Variants in CNTN5 observed in about 807,000 individuals in gnomAD.
CNTN5 encodes contactin 5.
Under a neutral mutation model 129.1 loss-of-function variants are expected in CNTN5, and 77 were observed. That is an observed-to-expected ratio of 0.60 (90% CI 0.50 to 0.72). The LOEUF (loss-of-function observed/expected upper bound fraction) is 0.72, where lower values mean the gene tolerates loss of function less well. CNTN5 is among the 30% of genes least tolerant of loss of function. CNTN5 has a pLI of 0.00. For missense variants in CNTN5, 1,478 were observed against 1,328.8 expected (o/e 1.11, Z -1.75); for synonymous variants, 509 against 465.6 (o/e 1.09, Z -1.20).
intron 18 of CNTN5, among the ~76,000 whole-genome samples, chr11:100,290,997 A>T (rs1283154164): frequency 2.6e-5 from 4 of 151,260 alleles, no homozygotes; most frequent in Admixed American, 6.6e-5. Flanking sequence ...GCCAAAAAAC[A>T]CATGAAAAAA....
chr11:99,701,259 G>A (rs1365298029), intron 3 of CNTN5, among the ~76,000 whole-genome samples: 1 of 151,200 alleles, frequency 6.6e-6, no homozygotes, highest in Admixed American at 6.6e-5. Flanking sequence ...AGAGTAAAGT[G>A]TAAAGTGGAA....
At chr11:100,078,992 G>T (rs1399177941) in intron 13 of CNTN5, among the ~76,000 whole-genome samples, 2 of 152,116 alleles carry the variant, frequency 1.3e-5, no homozygotes, top group Non-Finnish European at 2.9e-5. Context: ...CAAAGCAGGT[G>T]CAAGGAACCT....
At chr11:99,569,352 C>T (rs760483429) in intron 3 of CNTN5, among the ~76,000 whole-genome samples, 35 of 152,114 alleles carry the variant, frequency 2.3e-4, no homozygotes, top group Middle Eastern at 3.4e-3. Flanking sequence ...CTCGCTCTGG[C>T]GCCCAGGCTG....
intron 6 of CNTN5, among the ~76,000 whole-genome samples, chr11:99,845,890 T>C (rs1947677815): frequency 6.6e-6 from 1 of 152,168 alleles, no homozygotes; most frequent in Non-Finnish European, 1.5e-5. Flanking sequence ...TCCAAATTTC[T>C]TTTGAAATCG....
chr11:100,225,019 TTCAGAGTCCAA>T (rs2138630101), intron 16 of CNTN5: 1 of 408,108 alleles, frequency 2.5e-6, no homozygotes, highest in Non-Finnish European at 4.5e-6. Flanking sequence ...CCAAACTAAC[TTCAGAGTCCAA>T]AACACCTTTA....
chr11:99,342,591 A>C (rs1207447551), intron 2 of CNTN5, among the ~76,000 whole-genome samples: 24 of 146,002 alleles, frequency 1.6e-4, no homozygotes, highest in Admixed American at 6.9e-5. Context: ...AAAAAAAAAA[A>C]AAAAAAAAAA....
chr11:99,248,056 G>A (rs1861908847), intron 1 of CNTN5, among the ~76,000 whole-genome samples: 1 of 152,192 alleles, frequency 6.6e-6, no homozygotes, highest in Non-Finnish European at 1.5e-5. Context: ...CACAGTAGCT[G>A]AACTAATTCA....
chr11:99,175,519 A>G (rs1857729611), intron 1 of CNTN5, among the ~76,000 whole-genome samples: 1 of 152,154 alleles, frequency 6.6e-6, no homozygotes, highest in Admixed American at 6.5e-5. Context: ...TTGATTAAAA[A>G]TGGAATCCTA....
chr11:99,972,294 A>T (rs7110076), intron 8 of CNTN5, among the ~76,000 whole-genome samples: 1 of 151,696 alleles, frequency 6.6e-6, no homozygotes. Flanking sequence ...AAAAATAAAA[A>T]AATGTAAAAA....
chr11:100,154,228 G>T (rs1947160409), intron 13 of CNTN5, among the ~76,000 whole-genome samples: 2 of 152,068 alleles, frequency 1.3e-5, no homozygotes, highest in Admixed American at 6.6e-5. Flanking sequence ...GTGTTTGTTT[G>T]CTGAGAATGA....
At chr11:99,142,467 CTGGTGT>C (rs1859569924) in intron 1 of CNTN5, among the ~76,000 whole-genome samples, 1 of 152,062 alleles carries the variant, frequency 6.6e-6, no homozygotes, top group African/African-American at 2.4e-5. Context: ...GAGGGGTCTG[CTGGTGT>C]AGGAGCTATG....
intron 9 of CNTN5, among the ~76,000 whole-genome samples, chr11:100,027,495 T>A (rs1941484859): frequency 6.6e-6 from 1 of 152,216 alleles, no homozygotes; most frequent in African/African-American, 2.4e-5. Flanking sequence ...GAACTATTCC[T>A]GGCCTGTATA....
chr11:99,942,550 A>G (rs1487867257), intron 7 of CNTN5, among the ~76,000 whole-genome samples: 1 of 152,246 alleles, frequency 6.6e-6, no homozygotes, highest in East Asian at 1.9e-4. Flanking sequence ...TCTGGGATAC[A>G]TGTGCAGAAT....
At chr11:99,790,928 A>G (rs1945719768) in intron 3 of CNTN5, among the ~76,000 whole-genome samples, 2 of 152,072 alleles carry the variant, frequency 1.3e-5, no homozygotes, top group South Asian at 4.1e-4. Context: ...GAACAGTTTA[A>G]TATCCTTTTT....
At chr11:99,903,710 G>A (rs1949418820) in intron 6 of CNTN5, among the ~76,000 whole-genome samples, 1 of 152,020 alleles carries the variant, frequency 6.6e-6, no homozygotes, top group African/African-American at 2.4e-5. Flanking sequence ...TAAAACTATG[G>A]TAGTTTCCAA....
chr11:99,375,091 T>G (rs1224835373), intron 2 of CNTN5, among the ~76,000 whole-genome samples: 3 of 151,612 alleles, frequency 2.0e-5, no homozygotes, highest in African/African-American at 7.3e-5. Flanking sequence ...TCACTTGAGG[T>G]CAGGAATTCT....
intron 21 of CNTN5, among the ~76,000 whole-genome samples, chr11:100,320,187 G>T (rs1160722165): frequency 6.6e-6 from 1 of 151,738 alleles, no homozygotes; most frequent in Admixed American, 6.6e-5. Flanking sequence ...GGAGTGCAAG[G>T]GTTCCCTTTT....
intron 9 of CNTN5, among the ~76,000 whole-genome samples, chr11:100,049,375 A>G (rs536828918): frequency 6.6e-6 from 1 of 152,268 alleles, no homozygotes; most frequent in South Asian, 2.1e-4. Context: ...ACAAAAAACA[A>G]AAGGCTGTAT....
At chr11:100,076,181 A>C (rs1565217467) in intron 13 of CNTN5, among the ~76,000 whole-genome samples, 1 of 152,284 alleles carries the variant, frequency 6.6e-6, no homozygotes, top group East Asian at 1.9e-4. Flanking sequence ...AATAATTTAC[A>C]CTGCTAGGTT....
Sources: allele counts gnomAD v4.1 joint callset (sites outside exome capture counted in the v4.1 genomes callset), GRCh38; gene constraint gnomAD v4.1.1; transcripts MANE v1.5; gene names NCBI Gene and HGNC (gene_info 2026-07-23, HGNC 2026-07-21).